EPM2A: variants seen among roughly 807,000 people sequenced by gnomAD.
EPM2A encodes the protein laforin.
A neutral mutation model predicts 26.5 loss-of-function variants in EPM2A; 21 were observed. The observed-to-expected ratio is 0.79, with a 90% CI of 0.56 to 1.14. EPM2A has a LOEUF of 1.14. Among genes scored for constraint, EPM2A ranks in the 50% most tolerant of loss-of-function variants. The pLI, the probability that EPM2A is intolerant of heterozygous loss-of-function variation, is 0.00. For synonymous variants in EPM2A, 217 were observed against 177.6 expected (o/e 1.22, Z -1.76); for missense variants, 458 against 440.8 (o/e 1.04, Z -0.35).
chr6:145,419,544 T>C (rs1778755306), intron 4 of EPM2A, among the ~76,000 whole-genome samples: 1 of 152,188 alleles, frequency 6.6e-6, no homozygotes, highest in African/African-American at 2.4e-5. Flanking sequence ...ATGTATTGGT[T>C]AGAAATCGTG....
At chr6:145,412,044 C>T (rs1384862560) in intron 4 of EPM2A, among the ~76,000 whole-genome samples, 3 of 151,810 alleles carry the variant, frequency 2.0e-5, no homozygotes, top group Non-Finnish European at 4.4e-5. Flanking sequence ...ATAGTGAAAC[C>T]GTCTCTACTA....
intron 2 of EPM2A, among the ~76,000 whole-genome samples, chr6:145,516,055 T>C (rs1192922996): frequency 1.3e-5 from 2 of 152,174 alleles, no homozygotes; most frequent in Non-Finnish European, 2.9e-5. Flanking sequence ...CAGAGGCCAG[T>C]TGGTAACTGT....
intron 4 of EPM2A, among the ~76,000 whole-genome samples, chr6:145,433,596 T>G (rs1176613260): frequency 6.6e-6 from 1 of 152,200 alleles, no homozygotes; most frequent in African/African-American, 2.4e-5. Context: ...ATTCTTTTTA[T>G]AGTTTAAACC....
intron 4 of EPM2A, among the ~76,000 whole-genome samples, chr6:145,435,094 G>A (rs764652634): frequency 2.6e-5 from 4 of 152,140 alleles, no homozygotes; most frequent in Admixed American, 6.6e-5. Flanking sequence ...CCCCATGCTT[G>A]TACAGCCTGC....
chr6:145,589,434 C>A (rs541697693), intron 2 of EPM2A, among the ~76,000 whole-genome samples: 1 of 152,072 alleles, frequency 6.6e-6, no homozygotes, highest in Admixed American at 6.5e-5. Flanking sequence ...AGCAATCAGA[C>A]AGAGGGATTT....
chr6:145,448,638 C>T (rs560217043), intron 4 of EPM2A, among the ~76,000 whole-genome samples: 2 of 152,068 alleles, frequency 1.3e-5, no homozygotes, highest in East Asian at 3.9e-4. Context: ...ATTTGGTGCT[C>T]AATCAGCTAC....
intron 1 of EPM2A, among the ~76,000 whole-genome samples, chr6:145,709,419 T>C (rs1269998947): frequency 6.6e-6 from 1 of 152,168 alleles, no homozygotes; most frequent in African/African-American, 2.4e-5. Flanking sequence ...CTCGTGCTAG[T>C]GAATAAGTCT....
intron 4 of EPM2A, among the ~76,000 whole-genome samples, chr6:145,411,342 T>C (rs1442153065): frequency 2.0e-5 from 3 of 152,202 alleles, no homozygotes; most frequent in African/African-American, 7.2e-5. Flanking sequence ...TTGATACTGC[T>C]CCTGGCATAA....
intron 4 of EPM2A, among the ~76,000 whole-genome samples, chr6:145,442,466 C>T (rs1157410024): frequency 3.9e-5 from 6 of 152,112 alleles, no homozygotes; most frequent in Non-Finnish European, 7.4e-5. Context: ...CCAGACAAGA[C>T]AAGAGAGAGA....
chr6:145,386,511 A>G (rs1376122814), intron 4 of EPM2A, among the ~76,000 whole-genome samples: 2 of 152,164 alleles, frequency 1.3e-5, no homozygotes, highest in African/African-American at 4.8e-5. Flanking sequence ...CCGTCACTAG[A>G]TATTCCATTG....
At chr6:145,580,896 T>C (rs4896823) in intron 2 of EPM2A, among the ~76,000 whole-genome samples, 4,830 of 152,262 alleles carry the variant, frequency 0.032, 89 homozygotes, top group African/African-American at 0.057. Context: ...ATCTGTACCA[T>C]ATTTTCTTTA....
intron 4 of EPM2A, among the ~76,000 whole-genome samples, chr6:145,392,775 G>A (rs773062432): frequency 3.9e-5 from 6 of 152,068 alleles, no homozygotes; most frequent in African/African-American, 7.2e-5. Flanking sequence ...ATGTTAGCGG[G>A]ACTATTTTAG....
intron 2 of EPM2A, among the ~76,000 whole-genome samples, chr6:145,645,316 T>C (rs1252971075): frequency 2.6e-5 from 4 of 152,162 alleles, no homozygotes; most frequent in African/African-American, 7.2e-5. Flanking sequence ...AGTGTTGTTG[T>C]TGTTGTTATG....
intron 4 of EPM2A, among the ~76,000 whole-genome samples, chr6:145,402,262 T>C (rs892319776): frequency 1.3e-5 from 2 of 152,054 alleles, no homozygotes; most frequent in African/African-American, 4.8e-5. Flanking sequence ...ATGACTTCTG[T>C]GGAATTTCTG....
intron 2 of EPM2A, among the ~76,000 whole-genome samples, chr6:145,680,841 G>A (rs551378877): frequency 0.07 from 10,605 of 151,708 alleles, 1,163 homozygotes; most frequent in African/African-American, 0.24. Context: ...GAATAGTGCC[G>A]CTATAAACAT....
chr6:145,444,383 T>G (rs1343735124), intron 4 of EPM2A, among the ~76,000 whole-genome samples: 1 of 152,254 alleles, frequency 6.6e-6, no homozygotes, highest in Non-Finnish European at 1.5e-5. Context: ...GTTCTGTCTA[T>G]GTGATGAATC....
intron 1 of EPM2A, among the ~76,000 whole-genome samples, chr6:145,701,936 G>C (rs1781935271): frequency 6.6e-6 from 1 of 152,158 alleles, no homozygotes; most frequent in Non-Finnish European, 1.5e-5. Flanking sequence ...GCAAGAAAGA[G>C]AGTACCAGTT....
At chr6:145,424,327 A>G (rs1176665071) in intron 4 of EPM2A, among the ~76,000 whole-genome samples, 1 of 152,228 alleles carries the variant, frequency 6.6e-6, no homozygotes, top group Non-Finnish European at 1.5e-5. Context: ...CTTGTTTTAA[A>G]CTGAAGGAGA....
In EPM2A at chr6:145,609,312, C is replaced by A. The variant is rs1277633886; in HGVS notation, c.340+25933G>T. Among the ~76,000 whole-genome samples the A allele has an allele frequency of 2.6e-5, 4 of 152,086 alleles. No homozygotes were observed. In the East Asian group the frequency reaches 7.7e-4, roughly 29 times the overall value. ...TCTTGGAACTGGGTCCAGGAATGAACAAAACTTAAAAATTTAACAAAATTT... is the reference window on the plus strand; with the variant it reads ...TCTTGGAACTGGGTCCAGGAATGAAAAAAACTTAAAAATTTAACAAAATTT... On this transcript the variant is annotated intron_variant, in intron 2 of 3. Coordinates refer to the EPM2A transcript ENST00000450221.
Sources: gnomAD v4.1 joint callset for allele counts (sites outside exome capture counted in the v4.1 genomes callset) on GRCh38, gnomAD v4.1.1 for gene constraint, MANE v1.5 for transcripts, NCBI Gene and HGNC (gene_info 2026-07-23, HGNC 2026-07-21) for gene names.